NDST4: variants seen among roughly 807,000 people sequenced by gnomAD.
NDST4 encodes the protein N-deacetylase and N-sulfotransferase 4.
NDST4 carries 63 observed loss-of-function variants against 100.8 expected under a neutral mutation model. The ratio of observed to expected loss-of-function variants is 0.62; its 90% CI spans 0.51 to 0.77. The LOEUF (loss-of-function observed/expected upper bound fraction) is 0.77, where lower values mean the gene tolerates loss of function less well. Among genes scored for constraint, NDST4 ranks in the 30% least tolerant of loss-of-function variants. The probability of loss-of-function intolerance (pLI) is 0.00; values close to 1 mark genes in which losing one functional copy is unlikely to be tolerated. For missense variants in NDST4, 943 were observed against 1,018.4 expected, an observed-to-expected ratio of 0.93 and a Z score of 1.01; for synonymous variants, 377 against 361.8, an observed-to-expected ratio of 1.04 and a Z score of -0.48.
chr4:115,046,474 G>A (rs1728465715), intron 2 of NDST4, among the ~76,000 whole-genome samples: 1 of 152,118 alleles, frequency 6.6e-6, no homozygotes, highest in Admixed American at 6.6e-5. Context: ...GTCCTACTGT[G>A]GCATATTTTC....
At chr4:115,022,310 CAT>C (rs1423294316) in intron 2 of NDST4, among the ~76,000 whole-genome samples, 15 of 139,142 alleles carry the variant, frequency 1.1e-4, no homozygotes, top group Admixed American at 2.2e-4. Context: ...GTTCCACGTA[CAT>C]ATGTGTTCCA....
At chr4:115,048,134 C>G (rs543088) in intron 2 of NDST4, among the ~76,000 whole-genome samples, 5 of 151,012 alleles carry the variant, frequency 3.3e-5, no homozygotes, top group Non-Finnish European at 4.4e-5. Context: ...CCAGACCTGA[C>G]AAACTTTTTA....
chr4:115,011,526 C>G (rs1428795642), intron 2 of NDST4, among the ~76,000 whole-genome samples: 3 of 151,538 alleles, frequency 2.0e-5, no homozygotes, highest in African/African-American at 7.3e-5. Context: ...GCTTTATGAA[C>G]TAACATTTCT....
At chr4:115,056,338 G>A (rs1728693960) in intron 2 of NDST4, among the ~76,000 whole-genome samples, 6 of 152,112 alleles carry the variant, frequency 3.9e-5, no homozygotes, top group Admixed American at 3.9e-4. Flanking sequence ...GTGAGACCCT[G>A]TCTCAAAAAC....
In NDST4 at chr4:115,020,686, G is replaced by C. The variant is rs553899486; in HGVS notation, c.979-43412C>G. On this transcript the variant is annotated intron_variant, in intron 2 of 13. Transcript: ENST00000264363. ...ACATCTGAAAAAGGACTAATATCCA[G>C]AATTTACAATGAAGTCAAACAAATT... Among the ~76,000 whole-genome samples the C allele has an allele frequency of 8.4e-4, 127 of 152,034 alleles. 1 individual carries two copies. In the Middle Eastern group the frequency reaches 0.01, roughly 12 times the overall value.
chr4:115,006,487 G>T (rs1023495133), intron 2 of NDST4, among the ~76,000 whole-genome samples: 6 of 152,122 alleles, frequency 3.9e-5, no homozygotes, highest in Non-Finnish European at 8.8e-5. Context: ...TAGTTTAATA[G>T]ACAGGTATTA....
chr4:114,960,655 A>G (rs901122720), intron 4 of NDST4, among the ~76,000 whole-genome samples: 6 of 152,208 alleles, frequency 3.9e-5, no homozygotes, highest in African/African-American at 1.4e-4. Flanking sequence ...CAGATTTAAA[A>G]AGCAATGATA....
chr4:114,840,135 T>A (rs1723395222), intron 10 of NDST4, among the ~76,000 whole-genome samples: 1 of 152,172 alleles, frequency 6.6e-6, no homozygotes, highest in African/African-American at 2.4e-5. Context: ...CTTGTTTAGA[T>A]GTCATATTCA....
chr4:114,954,860 T>C (rs1386467261), intron 4 of NDST4, among the ~76,000 whole-genome samples: 1 of 152,110 alleles, frequency 6.6e-6, no homozygotes, highest in Non-Finnish European at 1.5e-5. Context: ...AGTGAGTGAA[T>C]TCTCTGCAAA....
intron 2 of NDST4, among the ~76,000 whole-genome samples, chr4:115,012,518 T>C (rs1188225299): frequency 6.6e-6 from 1 of 152,062 alleles, no homozygotes; most frequent in Non-Finnish European, 1.5e-5. Context: ...TTAAGTAAAA[T>C]AAACAGTTAA....
chr4:115,027,935 C>G (rs190488571), intron 2 of NDST4, among the ~76,000 whole-genome samples: 2 of 152,062 alleles, frequency 1.3e-5, no homozygotes, highest in Non-Finnish European at 2.9e-5. Context: ...TGCCTATAAT[C>G]CCAGCTACTC....
chr4:114,950,362 T>C (rs1725964222), intron 4 of NDST4, among the ~76,000 whole-genome samples: 1 of 152,072 alleles, frequency 6.6e-6, no homozygotes, highest in Non-Finnish European at 1.5e-5. Context: ...AGGTCACCTA[T>C]AGTAACTGAT....
intron 2 of NDST4, among the ~76,000 whole-genome samples, chr4:115,057,805 A>G (rs942567301): frequency 1.4e-4 from 22 of 151,998 alleles, no homozygotes; most frequent in African/African-American, 5.3e-4. Flanking sequence ...TATCTCCATA[A>G]TGGATGAAAT....
chr4:114,830,818 AT>A (rs1723180448), intron 12 of NDST4, among the ~76,000 whole-genome samples: 1 of 152,162 alleles, frequency 6.6e-6, no homozygotes, highest in Non-Finnish European at 1.5e-5. Flanking sequence ...GTTGCAGAAT[AT>A]TTTGTTGCCC....
chr4:115,097,685 T>A (rs1028563948), intron 1 of NDST4, among the ~76,000 whole-genome samples: 1 of 152,154 alleles, frequency 6.6e-6, no homozygotes, highest in Non-Finnish European at 1.5e-5. Context: ...AGGGTCCTCA[T>A]TTTACAATGT....
At chr4:114,876,751 T>C in intron 6 of NDST4, among the ~76,000 whole-genome samples, 1 of 152,202 alleles carries the variant, frequency 6.6e-6, no homozygotes, top group Admixed American at 6.5e-5. Flanking sequence ...AGATACATCA[T>C]TTTGTTTTTC....
chr4:115,039,824 T>A (rs1020782151), intron 2 of NDST4, among the ~76,000 whole-genome samples: 1 of 152,124 alleles, frequency 6.6e-6, no homozygotes, highest in Non-Finnish European at 1.5e-5. Flanking sequence ...ATATAAGTCT[T>A]ACATTTATAT....
intron 2 of NDST4, among the ~76,000 whole-genome samples, chr4:115,068,815 CAAAAAAA>C (rs34003720): frequency 5.2e-5 from 4 of 77,622 alleles, no homozygotes; most frequent in Non-Finnish European, 1.2e-4. Flanking sequence ...GGCTCCATCT[CAAAAAAA>C]AAAAAAAAAA....
intron 2 of NDST4, among the ~76,000 whole-genome samples, chr4:115,000,977 C>T (rs1727278175): frequency 6.6e-6 from 1 of 152,064 alleles, no homozygotes; most frequent in South Asian, 2.1e-4. Flanking sequence ...CATGAACTCC[C>T]CTGGGCACCT....
Sources: allele counts gnomAD v4.1 joint callset (sites outside exome capture counted in the v4.1 genomes callset), GRCh38; gene constraint gnomAD v4.1.1; transcripts MANE v1.5; gene names NCBI Gene and HGNC (gene_info 2026-07-23, HGNC 2026-07-21).